CDR2: variants seen among roughly 807,000 people sequenced by gnomAD.
The protein encoded by CDR2 is cerebellar degeneration related protein 2.
In CDR2, 34 loss-of-function variants were observed where a neutral mutation model predicts 48.4. That is an observed-to-expected ratio of 0.70 (90% confidence interval 0.53 to 0.94). The LOEUF is 0.94. Ranked by LOEUF, CDR2 falls within the 40% of genes least tolerant of loss-of-function variation. The pLI, the probability that CDR2 is intolerant of heterozygous loss-of-function variation, is 0.00. For missense variants in CDR2, 498 were observed against 549.5 expected, an observed-to-expected ratio of 0.91 and a Z score of 0.94; for synonymous variants, 240 against 219.7, an observed-to-expected ratio of 1.09 and a Z score of -0.82.
chr16:22,346,842 TAAGCA>T lies in CDR2; in HGVS notation c.*118_*122del. 2.8e-6 allele frequency: 3 copies of T among 1,082,534 alleles called. No homozygotes were observed. Among genetic ancestry groups the T allele is most frequent in the Non-Finnish European group, 4.1e-6 (3 of 740,436 alleles). The allele number at this position is 1,082,534 out of a possible 1,614,324, so 67.1% of individuals were successfully genotyped here. On this transcript the variant is annotated 3_prime_UTR_variant, in exon 5 of 5. Coordinates refer to ENST00000268383, the MANE Select transcript of CDR2 (RefSeq NM_001802.2). ...TTCCTCGTTGTATGCATTTGCTAAA[TAAGCA>T]AAGCAATGAGGCAAACGTCATGAGT...
chr16:22,347,303 T>A lies in CDR2; in HGVS notation c.1027A>T (p.Ile343Phe), dbSNP rs1736291933. 1 of 1,614,250 alleles carries A rather than the reference T, an allele frequency of 6.2e-7. No individual in the cohort carries two copies. The highest frequency in any genetic ancestry group is 1.3e-5 in the African/African-American group (1 of 75,074). Residue 343 changes from isoleucine (I) to phenylalanine (F), a missense_variant, in exon 5 of 5, where the codon ATC becomes TTC. By Grantham distance (21) the Ile-to-Phe change is conservative (BLOSUM62 0). Transcript: ENST00000268383. ...RRAKAVKQRG[I>F]SLLHEVDTQY... ...GTGTCCACTTCGTGCAGAAGGGAGATGCCCCTCTGTTTCACAGCCTTGGCC... is the reference window on the plus strand; with the variant it reads ...GTGTCCACTTCGTGCAGAAGGGAGAAGCCCCTCTGTTTCACAGCCTTGGCC...
intron 2 of CDR2, 132 bp downstream of exon 2, chr16:22,364,770 A>G (rs528130762): frequency 1.8e-6 from 1 of 570,372 alleles, no homozygotes; most frequent in East Asian, 3.1e-5. Flanking sequence ...GGCGGTTCTC[A>G]TTCTCAAAAA....
chr16:22,366,891 T>C (rs1421021564), intron 1 of CDR2, among the ~76,000 whole-genome samples: 4 of 151,846 alleles, frequency 2.6e-5, no homozygotes. Flanking sequence ...GAGATGAAGA[T>C]GGGAGAGGAG....
chr16:22,348,950 C>G (rs1166035738), intron 4 of CDR2, among the ~76,000 whole-genome samples: 4 of 152,096 alleles, frequency 2.6e-5, no homozygotes, highest in African/African-American at 9.7e-5. Flanking sequence ...ATCTCCTGTT[C>G]GCTTGAATTT....
chr16:22,347,582 G>C lies in CDR2; in HGVS notation c.748C>G (p.Leu250Val), dbSNP rs1171096469. 6.2e-7 allele frequency: 1 copy of C among 1,614,038 alleles called. No homozygotes were observed. Among genetic ancestry groups the C allele is most frequent in the African/African-American group, 1.3e-5 (1 of 74,928 alleles). Residue 250 changes from leucine to valine, a missense_variant, in exon 5 of 5, where the codon CTA becomes GTA. Physicochemically the swap from Leu to Val is conservative, Grantham distance 32. Coordinates refer to ENST00000268383, the MANE Select transcript of CDR2 (RefSeq NM_001802.2). ...CGCATCTCTGCCACCTCGGCCTCTA[G>C]TTCCAGCGCCCGTGCTCGGTAGGCA... ...TGAYRARALE[L>V]EAEVAEMRQM...
At chr16:22,359,387 A>C (rs914496449) in intron 2 of CDR2, among the ~76,000 whole-genome samples, 2 of 152,132 alleles carry the variant, frequency 1.3e-5, no homozygotes, top group African/African-American at 4.8e-5. Context: ...AGCCTCCCAA[A>C]GTGCTGGGAT....
chr16:22,373,794 A>T (rs936780446), intron 1 of CDR2, among the ~76,000 whole-genome samples: 4 of 151,992 alleles, frequency 2.6e-5, no homozygotes, highest in Non-Finnish European at 4.4e-5. Context: ...GCCGCAAAAC[A>T]ACTACCACCT....
rs149895725 is a variant in CDR2 at position 22,348,216 on chromosome 16, C to G, written c.507-393G>C. 4.4e-3 allele frequency among the ~76,000 whole-genome samples: 673 copies of G among 152,216 alleles called. 4 individuals carry two copies. Among genetic ancestry groups the G allele is most frequent in the Non-Finnish European group, 6.9e-3 (472 of 68,022 alleles). ...CCTCCCAAAGTGCTGGGATTACAGA[C>G]GTAAGCCACCACACCCGGCCAACAG... On this transcript the variant is annotated intron_variant, in intron 4 of 4. Transcript: ENST00000268383.
At chr16:22,364,151 C>T (rs2049029353) in intron 2 of CDR2, among the ~76,000 whole-genome samples, 1 of 152,024 alleles carries the variant, frequency 6.6e-6, no homozygotes, top group Admixed American at 6.6e-5. Flanking sequence ...CCACGTTGCC[C>T]AGGCTGGTCT....
chr16:22,368,101 A>G (rs1304162442), intron 1 of CDR2, among the ~76,000 whole-genome samples: 1 of 152,208 alleles, frequency 6.6e-6, no homozygotes, highest in Non-Finnish European at 1.5e-5. Flanking sequence ...AAAAAATAAA[A>G]AATAAAGACT....
intron 1 of CDR2, among the ~76,000 whole-genome samples, chr16:22,370,520 C>T (rs1004786142): frequency 2.6e-5 from 4 of 152,174 alleles, no homozygotes; most frequent in African/African-American, 9.7e-5. Flanking sequence ...TCTCTGAAGT[C>T]TTTCCACCTT....
rs902827898 is a variant in CDR2 at position 22,374,584 on chromosome 16, C to T, written c.-275G>A. On this transcript the variant is annotated 5_prime_UTR_variant, in exon 1 of 5. Transcript: ENST00000268383. ...GGAGTCTCACGCAGCCGCCAGTCTT[C>T]ACGCCGCCGCCGGGCCCAACGTGGC... is the stretch of plus-strand genomic sequence containing the variant. The T allele has an allele frequency of 7.9e-5, 14 of 178,212 alleles. No individual in the cohort carries two copies. Among genetic ancestry groups the T allele is most frequent in the African/African-American group, 3.3e-4 (14 of 42,278 alleles). 11.0% of individuals were successfully genotyped at this position (178,212 alleles called of 1,614,324 possible).
chr16:22,351,354 T>C (rs796382649), intron 2 of CDR2, among the ~76,000 whole-genome samples: 4 of 152,334 alleles, frequency 2.6e-5, no homozygotes, highest in African/African-American at 9.6e-5. Flanking sequence ...AGCAGCATGA[T>C]TTATGATACT....
At chr16:22,368,532 A>T (rs918454307) in intron 1 of CDR2, among the ~76,000 whole-genome samples, 1 of 152,210 alleles carries the variant, frequency 6.6e-6, no homozygotes, top group African/African-American at 2.4e-5. Flanking sequence ...TTCTAGAGAC[A>T]TTAGTCTTTA....
Position 22,347,078 on chromosome 16 carries a change from T to G in CDR2, c.1252A>C (p.Thr418Pro), listed in dbSNP as rs1274976769. The change falls in exon 5 of 5, where the codon ACA (threonine) becomes CCA (proline). Residue 418 changes from threonine (T) to proline (P), a missense_variant. Coordinates refer to ENST00000268383, the MANE Select transcript of CDR2 (RefSeq NM_001802.2). Reference protein sequence around the residue: ...VNPEPVSSPTTPPEYKALFKE... With the variant: ...VNPEPVSSPTPPPEYKALFKE... ...AACAACGCTTTGTATTCTGGAGGTG[T>G]TGTAGGGGAACTCACGGGCTCTGGG... 5 of 1,614,090 alleles carry G rather than the reference T, an allele frequency of 3.1e-6. No individual in the cohort carries two copies. The highest frequency in any genetic ancestry group is 3.4e-6 in the Non-Finnish European group (4 of 1,180,044).
At position 22,347,706 on chromosome 16, in the gene CDR2, C is replaced by T. The variant is rs1167187994; in HGVS notation, c.624G>A (p.Gln208=). ...CCCGCTTCTGCCGCTCCAGGCTCAG[C>T]TGGGCCTGCAACATTGTCACTGTTT... ...LKKTVTMLQA[Q]LSLERQKRVT... The change falls in exon 5 of 5, where the codon CAG becomes CAA. Residue 208 remains glutamine, a synonymous_variant. Coordinates refer to ENST00000268383, the MANE Select transcript of CDR2 (RefSeq NM_001802.2). 1.2e-6 allele frequency: 2 copies of T among 1,614,178 alleles called. No homozygotes were observed. Among genetic ancestry groups the T allele is most frequent in the Non-Finnish European group, 1.7e-6 (2 of 1,180,042 alleles).
chr16:22,346,077 G>A lies in CDR2; in HGVS notation c.*888C>T. On this transcript the variant is annotated 3_prime_UTR_variant, in exon 5 of 5. Transcript: ENST00000268383. ...CAGATCAATACTGCTTAATAAAGTA[G>A]ATAGGAATTTCTGCAACAAGTCAAA... 1 of 152,616 alleles carries A rather than the reference G, an allele frequency of 6.6e-6. No individual in the cohort carries two copies. Among genetic ancestry groups the A allele is most frequent in the East Asian group, 1.9e-4 (1 of 5,200 alleles). 9.5% of individuals were successfully genotyped at this position (152,616 alleles called of 1,614,324 possible). A position where few individuals can be genotyped will look rare whatever the true frequency, so the allele number is the denominator to read the frequency against.
At chr16:22,347,892 A>AT (rs901442215) in intron 4 of CDR2, 69 bp from the exon 5 acceptor site, 40 of 1,397,842 alleles carry the variant, frequency 2.9e-5, no homozygotes, top group East Asian at 6.9e-5. Flanking sequence ...AAGACTGGTG[A>AT]TTTTTTTTCA....
rs377579868 is a variant in CDR2, at chr16:22,348,092, C to T, written c.507-269G>A. On this transcript the variant is annotated intron_variant, in intron 4 of 4. Coordinates refer to ENST00000268383, the MANE Select transcript of CDR2 (RefSeq NM_001802.2). ...AACTGGGATTTTAGACATGCGCCAC[C>T]ACGCCCAGCTAATTTTGTATTTTTA... Among the ~76,000 whole-genome samples the T allele has an allele frequency of 9.9e-5, 15 of 152,252 alleles. No individual in the cohort carries two copies. In the East Asian group the frequency reaches 1.4e-3, roughly 14 times the overall value.
Sources: gnomAD v4.1 joint callset for allele counts (sites outside exome capture counted in the v4.1 genomes callset) on GRCh38, gnomAD v4.1.1 for gene constraint, MANE v1.5 for transcripts, NCBI Gene and HGNC (gene_info 2026-07-23, HGNC 2026-07-21) for gene names.